ITGBL1: variants seen among roughly 807,000 people sequenced by gnomAD.
The protein encoded by ITGBL1 is integrin subunit beta like 1.
In ITGBL1, 51 loss-of-function variants were observed where a neutral mutation model predicts 68.5. The observed-to-expected ratio is 0.74, with a 90% CI of 0.59 to 0.94. ITGBL1 has a LOEUF of 0.94. ITGBL1 is among the 40% of genes least tolerant of loss of function. The pLI is 0.00. For synonymous variants in ITGBL1, 209 were observed against 227.3 expected, an observed-to-expected ratio of 0.92 and a Z score of 0.72; for missense variants, 649 against 647.4, an observed-to-expected ratio of 1.00 and a Z score of -0.03.
At chr13:101,598,410 GTTTTTTTGTTTTTTA>G in intron 7 of ITGBL1, 111 bp downstream of exon 7, 1 of 804,196 alleles carries the variant, frequency 1.2e-6, no homozygotes, top group African/African-American at 1.8e-5. Context: ...CTGCTTTTTG[GTTTTTTTGTTTTTTA>G]TTTTTTTATT....
intron 2 of ITGBL1, among the ~76,000 whole-genome samples, chr13:101,551,101 C>T (rs1490809108): frequency 1.3e-5 from 2 of 152,000 alleles, no homozygotes; most frequent in Non-Finnish European, 2.9e-5. Flanking sequence ...GGTGAGGATA[C>T]AGAGGAGGAT....
chr13:101,636,367 C>A (rs1385972267), intron 7 of ITGBL1, among the ~76,000 whole-genome samples: 4 of 152,088 alleles, frequency 2.6e-5, no homozygotes, highest in African/African-American at 9.7e-5. Context: ...CTTAATTTAT[C>A]ATTTAATCAT....
At chr13:101,548,538 A>C (rs989992026) in intron 2 of ITGBL1, among the ~76,000 whole-genome samples, 1 of 151,858 alleles carries the variant, frequency 6.6e-6, no homozygotes, top group African/African-American at 2.4e-5. Context: ...AGTCTTCCCC[A>C]AAAAGCAGCA....
chr13:101,620,013 T>G (rs1566761133), intron 7 of ITGBL1, among the ~76,000 whole-genome samples: 1 of 152,198 alleles, frequency 6.6e-6, no homozygotes, highest in Non-Finnish European at 1.5e-5. Flanking sequence ...TATATTGTTT[T>G]TAATGATTAC....
chr13:101,579,261 C>T, intron 4 of ITGBL1, 26 bp from the exon 5 acceptor site: 1 of 1,600,826 alleles, frequency 6.2e-7, no homozygotes. Context: ...TTTTTCCTCA[C>T]TGTATAAAAT....
At chr13:101,663,918 G>A (rs2033148798) in intron 7 of ITGBL1, among the ~76,000 whole-genome samples, 1 of 150,828 alleles carries the variant, frequency 6.6e-6, no homozygotes, top group Non-Finnish European at 1.5e-5. Context: ...AAGAGAGAGA[G>A]GAAGTGCTGT....
At chr13:101,669,943 T>A (rs921562795) in intron 7 of ITGBL1, among the ~76,000 whole-genome samples, 1 of 152,146 alleles carries the variant, frequency 6.6e-6, no homozygotes, top group Admixed American at 6.5e-5. Context: ...AGGTACATCT[T>A]TTCATATTGT....
intron 2 of ITGBL1, among the ~76,000 whole-genome samples, chr13:101,480,116 C>T (rs1210386514): frequency 6.6e-6 from 1 of 151,878 alleles, no homozygotes; most frequent in African/African-American, 2.4e-5. Context: ...TATCTATACA[C>T]AGTGGAGTAC....
At chr13:101,546,336 G>C (rs1157857431) in intron 2 of ITGBL1, among the ~76,000 whole-genome samples, 1 of 152,220 alleles carries the variant, frequency 6.6e-6, no homozygotes, top group South Asian at 2.1e-4. Context: ...GGTGTTAAAC[G>C]ATAGGTAGGG....
At chr13:101,694,125 C>G (rs781256166) in intron 8 of ITGBL1, among the ~76,000 whole-genome samples, 5 of 152,106 alleles carry the variant, frequency 3.3e-5, no homozygotes, top group Admixed American at 3.3e-4. Flanking sequence ...GTTCACAGAT[C>G]GTTCCTTATG....
chr13:101,668,212 A>T (rs1020747711), intron 7 of ITGBL1, among the ~76,000 whole-genome samples: 5 of 152,122 alleles, frequency 3.3e-5, no homozygotes, highest in African/African-American at 4.8e-5. Context: ...ACATGGTGAA[A>T]ACCTGTCTCT....
chr13:101,576,858 G>A (rs910816644), intron 4 of ITGBL1, among the ~76,000 whole-genome samples: 4 of 152,096 alleles, frequency 2.6e-5, no homozygotes, highest in East Asian at 1.9e-4. Context: ...CTTTCTTAAA[G>A]GGCTCAGTCC....
intron 7 of ITGBL1, among the ~76,000 whole-genome samples, chr13:101,676,296 G>T (rs895341041): frequency 6.6e-6 from 1 of 151,864 alleles, no homozygotes; most frequent in African/African-American, 2.4e-5. Context: ...GATCTTCCTT[G>T]AGGGACAGTT....
chr13:101,498,268 T>C (rs141334992), intron 2 of ITGBL1, among the ~76,000 whole-genome samples: 1 of 152,196 alleles, frequency 6.6e-6, no homozygotes, highest in Non-Finnish European at 1.5e-5. Context: ...CCATATGGCC[T>C]GATGAGAATG....
chr13:101,518,369 A>C (rs1326228076), intron 2 of ITGBL1, among the ~76,000 whole-genome samples: 1 of 152,178 alleles, frequency 6.6e-6, no homozygotes, highest in Non-Finnish European at 1.5e-5. Flanking sequence ...ATACATTGTT[A>C]TGTTGCTGGA....
intron 2 of ITGBL1, among the ~76,000 whole-genome samples, chr13:101,458,974 C>A (rs2139617617): frequency 6.6e-6 from 1 of 152,074 alleles, no homozygotes; most frequent in South Asian, 2.1e-4. Flanking sequence ...AAAGTAAAAT[C>A]AATATGAATT....
At chr13:101,681,812 G>A (rs72659176) in intron 7 of ITGBL1, among the ~76,000 whole-genome samples, 9 of 152,008 alleles carry the variant, frequency 5.9e-5, no homozygotes, top group African/African-American at 7.2e-5. Flanking sequence ...GTGGGTGTGC[G>A]CATGTGCGCA....
chr13:101,469,718 CA>C (rs1251508230), intron 2 of ITGBL1, among the ~76,000 whole-genome samples: 1 of 152,020 alleles, frequency 6.6e-6, no homozygotes, highest in East Asian at 1.9e-4. Flanking sequence ...AAAAACACCA[CA>C]AAAACAGATG....
chr13:101,578,540 G>A (rs963660858), intron 4 of ITGBL1, among the ~76,000 whole-genome samples: 1 of 152,194 alleles, frequency 6.6e-6, no homozygotes, highest in Non-Finnish European at 1.5e-5. Context: ...GCAATGGTGC[G>A]ATAATTCACT....
Sources: gnomAD v4.1 joint callset for allele counts (sites outside exome capture counted in the v4.1 genomes callset) on GRCh38, gnomAD v4.1.1 for gene constraint, MANE v1.5 for transcripts, NCBI Gene and HGNC (gene_info 2026-07-23, HGNC 2026-07-21) for gene names.